Variants in PIK3R1 observed in about 807,000 individuals in gnomAD.
The protein encoded by PIK3R1 is phosphoinositide-3-kinase regulatory subunit 1.
Under a neutral mutation model 98.0 loss-of-function variants are expected in PIK3R1, and 29 were observed. The observed-to-expected ratio is 0.30, with a 90% CI of 0.22 to 0.40. The LOEUF is 0.40. Among genes scored for constraint, PIK3R1 ranks in the 10% least tolerant of loss-of-function variants. PIK3R1 has a pLI of 1.00. For synonymous variants in PIK3R1, 282 were observed against 311.8 expected, an observed-to-expected ratio of 0.90 and a Z score of 1.01; for missense variants, 596 against 872.7, an observed-to-expected ratio of 0.68 and a Z score of 3.99.
Position 68,262,386 on chromosome 5 carries a change from T to TTATATATA in PIK3R1, c.335-10993_335-10986dup, listed in dbSNP as rs1554047786. 1.0e-3 allele frequency among the ~76,000 whole-genome samples: 143 copies of TTATATATA among 138,546 alleles called. 1 individual carries two copies. The highest frequency in any genetic ancestry group is 7.1e-3 in the East Asian group (35 of 4,896). The allele number at this position is 138,546 out of a possible 152,430, so 90.9% of individuals were successfully genotyped here. A position where few individuals can be genotyped will look rare whatever the true frequency, so the allele number is the denominator to read the frequency against. On this transcript the variant is annotated intron_variant, in intron 2 of 15. Transcript: ENST00000521381. ...ATGACCAGGCTTCTTTCTATAATTT[T>TTATATATA]TATATATATATATATATACACACAC... is the stretch of plus-strand genomic sequence containing the variant.
In PIK3R1 at chr5:68,226,622, C is replaced by G; in HGVS notation, c.-54C>G. ...TTCACTTTTCATAAAAACGTAAAAT[C>G]AGACTGCTCTGTACAACCAGGCTCA... On this transcript the variant is annotated 5_prime_UTR_variant, in exon 2 of 16. In the 5' UTR this introduces an upstream ATG that the reference lacks. Transcript: ENST00000521381. 7.1e-7 allele frequency: 1 copy of G among 1,405,044 alleles called. No individual in the cohort carries two copies. Among genetic ancestry groups the G allele is most frequent in the Non-Finnish European group, 9.9e-7 (1 of 1,010,834 alleles). 87.0% of individuals were successfully genotyped at this position (1,405,044 alleles called of 1,614,324 possible).
intron 2 of PIK3R1, among the ~76,000 whole-genome samples, chr5:68,257,726 C>A (rs1745575695): frequency 6.6e-6 from 1 of 152,134 alleles, no homozygotes; most frequent in South Asian, 2.1e-4. Flanking sequence ...CCTGTCCTCT[C>A]CTCATTGCCT....
chr5:68,292,109 T>C, intron 7 of PIK3R1, 150 bp from the exon 8 acceptor site: 1 of 452,420 alleles, frequency 2.2e-6, no homozygotes, highest in South Asian at 5.3e-5. Context: ...TTTAAGAAAA[T>C]TATCTTCCAT....
intron 2 of PIK3R1, among the ~76,000 whole-genome samples, chr5:68,272,771 A>G (rs1302311097): frequency 6.6e-6 from 1 of 152,236 alleles, no homozygotes; most frequent in South Asian, 2.1e-4. Context: ...TCAAGTGGGC[A>G]GTGATCATTC....
intron 4 of PIK3R1, among the ~76,000 whole-genome samples, chr5:68,278,712 C>T (rs927646549): frequency 2.4e-4 from 36 of 152,164 alleles, no homozygotes; most frequent in East Asian, 7.7e-4. Context: ...GAGGCTGAGG[C>T]GGGTGGATCA....
intron 2 of PIK3R1, among the ~76,000 whole-genome samples, chr5:68,263,117 A>G (rs1278942402): frequency 9.0e-6 from 1 of 111,314 alleles, no homozygotes; most frequent in Non-Finnish European, 1.9e-5. Flanking sequence ...ACATACATAG[A>G]TATATAGATA....
intron 2 of PIK3R1, among the ~76,000 whole-genome samples, chr5:68,262,803 ACATG>A (rs1194263574): frequency 0.076 from 7,859 of 103,932 alleles, 3,150 homozygotes; most frequent in African/African-American, 0.085. Flanking sequence ...ATACGTAGAT[ACATG>A]TATACATGTA....
chr5:68,301,204 C>A lies in PIK3R1; in HGVS notation c.*3603C>A, dbSNP rs1748023165. On this transcript the variant is annotated 3_prime_UTR_variant, in exon 16 of 16. Coordinates refer to ENST00000521381, the MANE Select transcript of PIK3R1 (RefSeq NM_181523.3). ...GGACAAAGTTCCAAAATGCCAAATT[C>A]TTATTTTTTAAAAAGCTAGTTCTAT... 4.6e-6 allele frequency: 1 copy of A among 218,956 alleles called. No individual in the cohort carries two copies. Among genetic ancestry groups the A allele is most frequent in the African/African-American group, 2.3e-5 (1 of 44,290 alleles). 13.6% of individuals were successfully genotyped at this position (218,956 alleles called of 1,614,324 possible).
chr5:68,228,974 G>A (rs906783982), intron 2 of PIK3R1, among the ~76,000 whole-genome samples: 1 of 152,030 alleles, frequency 6.6e-6, no homozygotes, highest in African/African-American at 2.4e-5. Flanking sequence ...ATTTTTAGCA[G>A]CTTTTTCATT....
chr5:68,247,542 G>A (rs950626743), intron 2 of PIK3R1, among the ~76,000 whole-genome samples: 16 of 151,746 alleles, frequency 1.1e-4, no homozygotes, highest in Admixed American at 5.3e-4. Context: ...CCTCCTAAAG[G>A]GCTAAAATTA....
chr5:68,295,787 A>G, intron 14 of PIK3R1: 1 of 489,518 alleles, frequency 2.0e-6, no homozygotes, highest in South Asian at 2.6e-5. Context: ...AAAAATAATT[A>G]TGCTTAATAT....
At chr5:68,231,064 A>T (rs1234835816) in intron 2 of PIK3R1, among the ~76,000 whole-genome samples, 2 of 152,152 alleles carry the variant, frequency 1.3e-5, no homozygotes, top group African/African-American at 4.8e-5. Flanking sequence ...CAACGAAATG[A>T]GTTGATTGAA....
intron 7 of PIK3R1, among the ~76,000 whole-genome samples, chr5:68,285,131 T>C (rs1432758696): frequency 6.6e-6 from 1 of 152,232 alleles, no homozygotes; most frequent in Non-Finnish European, 1.5e-5. Flanking sequence ...TAAGTGTATT[T>C]ACATATTTCA....
intron 1 of PIK3R1, chr5:68,217,702 G>C (rs1360637641): frequency 6.6e-6 from 1 of 151,978 alleles, no homozygotes; most frequent in Non-Finnish European, 1.5e-5. Flanking sequence ...TTGGTTCAGA[G>C]TTAAGGTTTA....
At chr5:68,264,552 A>G (rs1164774036) in intron 2 of PIK3R1, among the ~76,000 whole-genome samples, 1 of 152,228 alleles carries the variant, frequency 6.6e-6, no homozygotes, top group African/African-American at 2.4e-5. Context: ...TACAGATTAA[A>G]TGAGATTAAA....
Position 68,273,994 on chromosome 5 carries a change from A to C in PIK3R1, c.483A>C (p.Leu161Phe), listed in dbSNP as rs1181410011. Residue 161 changes from leucine (L) to phenylalanine (F), a missense_variant, in exon 4 of 16, where the codon TTA becomes TTC. Physicochemically the swap from Leu to Phe is conservative, Grantham distance 22 (BLOSUM62 0). Around this residue, in one of 3 missense-constraint regions of PIK3R1, gnomAD observed 352 missense variants for 393.3 expected, o/e 0.90. Coordinates refer to ENST00000521381, the MANE Select transcript of PIK3R1 (RefSeq NM_181523.3). ...RTQSSSNLAELRQLLDCDTPS... is the reference protein window; with the variant it reads ...RTQSSSNLAEFRQLLDCDTPS... ...AGAGCTCCAGCAACCTGGCAGAATT[A>C]CGACAGCTTCTTGATTGTGGTGAGT... 6.2e-7 allele frequency: 1 copy of C among 1,613,796 alleles called. No individual in the cohort carries two copies. Among genetic ancestry groups the C allele is most frequent in the Non-Finnish European group, 8.5e-7 (1 of 1,179,762 alleles).
intron 2 of PIK3R1, among the ~76,000 whole-genome samples, chr5:68,244,180 T>C (rs759013806): frequency 6.6e-6 from 1 of 152,204 alleles, no homozygotes; most frequent in Admixed American, 6.5e-5. Context: ...TAACTTGATT[T>C]TTCCCCCCAG....
chr5:68,292,658 CTAAGAATTCTTGCCT>C (rs1747459498), intron 8 of PIK3R1: 1 of 1,326,746 alleles, frequency 7.5e-7, no homozygotes, highest in African/African-American at 1.5e-5. Context: ...AAGCACAACT[CTAAGAATTCTTGCCT>C]TAAACACAAT....
At position 68,226,948 on chromosome 5, in the gene PIK3R1, A is replaced by G; in HGVS notation, c.273A>G (p.Pro91=). 6.2e-7 allele frequency: 1 copy of G among 1,614,112 alleles called. No homozygotes were observed. ...KISPPTPKPR[P]PRPLPVAPGS... ...CGCCTCCCACACCAAAGCCCCGGCC[A>G]CCTCGGCCTCTTCCTGTTGCACCAG... The change falls in exon 2 of 16, where the codon CCA becomes CCG. Residue 91 remains proline, a synonymous_variant. Coordinates refer to ENST00000521381, the MANE Select transcript of PIK3R1 (RefSeq NM_181523.3).
Sources: allele counts gnomAD v4.1 joint callset (sites outside exome capture counted in the v4.1 genomes callset), GRCh38; gene constraint gnomAD v4.1.1; regional missense constraint gnomAD v4.1.1; transcripts MANE v1.5; gene names NCBI Gene and HGNC (gene_info 2026-07-23, HGNC 2026-07-21).